MAP4K5: variants seen among roughly 807,000 people sequenced by gnomAD.
MAP4K5 encodes the protein MAPK/ERK kinase kinase kinase 5.
MAP4K5 carries 82 observed loss-of-function variants against 135.6 expected under a neutral mutation model. The ratio of observed to expected loss-of-function variants is 0.60; its 90% confidence interval spans 0.51 to 0.73. The LOEUF is 0.73. MAP4K5 is among the 30% of genes least tolerant of loss of function. The pLI is 0.00. For synonymous variants in MAP4K5, 347 were observed against 335.0 expected (o/e 1.04, Z -0.39); for missense variants, 907 against 1,010.9 (o/e 0.90, Z 1.39).
intron 1 of MAP4K5, among the ~76,000 whole-genome samples, chr14:50,548,251 G>T (rs1433056820): frequency 1.3e-5 from 2 of 152,218 alleles, no homozygotes; most frequent in Non-Finnish European, 2.9e-5. Flanking sequence ...GGCTACTGGA[G>T]GATATTCATT....
intron 2 of MAP4K5, among the ~76,000 whole-genome samples, chr14:50,521,925 A>AC (rs1313443783): frequency 6.6e-6 from 1 of 152,160 alleles, no homozygotes; most frequent in Non-Finnish European, 1.5e-5. Flanking sequence ...GTCCAATACC[A>AC]CCAAGTGAAT....
chr14:50,526,473 T>G (rs1430466386), intron 2 of MAP4K5, among the ~76,000 whole-genome samples: 2 of 152,164 alleles, frequency 1.3e-5, no homozygotes, highest in Non-Finnish European at 2.9e-5. Context: ...TTTTTGTATT[T>G]TTAATAGAGA....
At chr14:50,485,514 A>G in intron 5 of MAP4K5, 64 bp downstream of exon 5, 1 of 1,050,394 alleles carries the variant, frequency 9.5e-7, no homozygotes, top group Non-Finnish European at 1.4e-6. Flanking sequence ...GGTTAACTGG[A>G]AATATCGAAC....
At chr14:50,542,000 C>G (rs985143814) in intron 2 of MAP4K5, among the ~76,000 whole-genome samples, 1 of 91,432 alleles carries the variant, frequency 1.1e-5, no homozygotes, top group African/African-American at 4.8e-5. Context: ...GAGCGAGATT[C>G]CGTCTCAAAA....
At chr14:50,530,351 T>C (rs1399964734) in intron 2 of MAP4K5, among the ~76,000 whole-genome samples, 1 of 152,124 alleles carries the variant, frequency 6.6e-6, no homozygotes, top group Admixed American at 6.6e-5. Flanking sequence ...AGTTACTACA[T>C]CTATGAAGAA....
At chr14:50,476,609 C>T (rs1290365298) in intron 6 of MAP4K5, among the ~76,000 whole-genome samples, 7 of 152,082 alleles carry the variant, frequency 4.6e-5, no homozygotes, top group South Asian at 4.1e-4. Context: ...TACAGGCATG[C>T]GCCACTATGC....
At chr14:50,442,113 G>A (rs2036242645) in intron 21 of MAP4K5, among the ~76,000 whole-genome samples, 1 of 152,186 alleles carries the variant, frequency 6.6e-6, no homozygotes, top group Admixed American at 6.5e-5. Flanking sequence ...CTCTGAAAAT[G>A]TTTCCTCACT....
At chr14:50,520,697 A>G (rs1386566805) in intron 2 of MAP4K5, among the ~76,000 whole-genome samples, 1 of 152,050 alleles carries the variant, frequency 6.6e-6, no homozygotes, top group Non-Finnish European at 1.5e-5. Flanking sequence ...ATAAACATAA[A>G]TATAAAGTTC....
chr14:50,520,041 T>C (rs1265835666), intron 2 of MAP4K5, among the ~76,000 whole-genome samples: 1 of 152,180 alleles, frequency 6.6e-6, no homozygotes, highest in Non-Finnish European at 1.5e-5. Context: ...AAGGGATGCA[T>C]GCATGTGAGA....
intron 1 of MAP4K5, among the ~76,000 whole-genome samples, chr14:50,547,107 A>T (rs1411501059): frequency 6.6e-6 from 1 of 152,200 alleles, no homozygotes; most frequent in Non-Finnish European, 1.5e-5. Flanking sequence ...TGAACATCTT[A>T]TATTTACAGG....
rs1363440169 is a variant in MAP4K5 at position 50,464,151 on chromosome 14, C to T, written c.738-18G>A. On this transcript the variant is annotated intron_variant, in intron 11 of 32. Transcript: ENST00000682126. ...TTGATGACCTTAAAATAAAAAGAGA[C>T]GTACAAAAATATTTCACTACTATTA... The T allele has an allele frequency of 8.6e-6, 11 of 1,272,012 alleles. No homozygotes were observed. The highest frequency in any genetic ancestry group is 2.5e-5 in the East Asian group (1 of 39,436). The allele number at this position is 1,272,012 out of a possible 1,614,324, so 78.8% of individuals were successfully genotyped here.
intron 2 of MAP4K5, among the ~76,000 whole-genome samples, chr14:50,519,035 T>C (rs2038092668): frequency 6.6e-6 from 1 of 152,192 alleles, no homozygotes; most frequent in South Asian, 2.1e-4. Flanking sequence ...TCAAGGATAC[T>C]GATCCCAGCA....
chr14:50,482,532 A>G (rs1383097350), intron 5 of MAP4K5, 116 bp from the exon 6 acceptor site: 6 of 646,670 alleles, frequency 9.3e-6, no homozygotes, highest in Non-Finnish European at 1.6e-5. Context: ...TAATCCCAGC[A>G]CTTTGGGAGG....
intron 1 of MAP4K5, among the ~76,000 whole-genome samples, chr14:50,544,035 G>A (rs1460663574): frequency 6.6e-6 from 1 of 152,194 alleles, no homozygotes; most frequent in African/African-American, 2.4e-5. Flanking sequence ...AACTACCATG[G>A]GGAAATTGGT....
intron 5 of MAP4K5, 131 bp downstream of exon 5, chr14:50,485,447 T>A (rs531617372): frequency 1.6e-6 from 1 of 606,776 alleles, no homozygotes; most frequent in African/African-American, 1.9e-5. Context: ...ATTTCTGTTA[T>A]GCAGTGCTCC....
chr14:50,559,604 C>T (rs1231838213), intron 1 of MAP4K5: 1 of 152,116 alleles, frequency 6.6e-6, no homozygotes, highest in Non-Finnish European at 1.5e-5. Context: ...AGTTACAGAT[C>T]GTAATGAATC....
intron 20 of MAP4K5, 95 bp from the exon 21 acceptor site, chr14:50,442,911 C>CT: frequency 1.4e-6 from 1 of 691,056 alleles, no homozygotes; most frequent in Middle Eastern, 4.0e-4. Flanking sequence ...CAAATTAACT[C>CT]TTATTTGCGT....
intron 12 of MAP4K5, among the ~76,000 whole-genome samples, chr14:50,463,102 C>A (rs1396901820): frequency 6.6e-6 from 1 of 152,004 alleles, no homozygotes; most frequent in Non-Finnish European, 1.5e-5. Context: ...TATACTGATG[C>A]AAATGAATAC....
At chr14:50,466,545 T>A in intron 11 of MAP4K5, 38 bp downstream of exon 11, 2 of 1,034,970 alleles carry the variant, frequency 1.9e-6, no homozygotes, top group Non-Finnish European at 2.9e-6. Context: ...CTCCTTTCGA[T>A]TGTAAAATTC....
Sources: allele counts gnomAD v4.1 joint callset (sites outside exome capture counted in the v4.1 genomes callset), GRCh38; gene constraint gnomAD v4.1.1; transcripts MANE v1.5; gene names NCBI Gene and HGNC (gene_info 2026-07-23, HGNC 2026-07-21).